CNTNAP2: variants seen among roughly 807,000 people sequenced by gnomAD.
CNTNAP2 encodes the protein contactin-associated protein-like 2.
A neutral mutation model predicts 155.2 loss-of-function variants in CNTNAP2; 98 were observed. The ratio of observed to expected loss-of-function variants is 0.63; its 90% CI spans 0.54 to 0.75. CNTNAP2 has a LOEUF of 0.75. CNTNAP2 is among the 30% of genes least tolerant of loss of function. The pLI, the probability that CNTNAP2 is intolerant of heterozygous loss-of-function variation, is 0.00. For synonymous variants in CNTNAP2, 651 were observed against 631.2 expected, an observed-to-expected ratio of 1.03 and a Z score of -0.47; for missense variants, 1,727 against 1,688.1, an observed-to-expected ratio of 1.02 and a Z score of -0.40.
rs76834225 is a variant in CNTNAP2, at chr7:148,368,594, G to T, written c.3476-15055G>T. 1.9e-4 allele frequency among the ~76,000 whole-genome samples: 29 copies of T among 152,284 alleles called. 1 individual carries two copies. Among genetic ancestry groups the T allele is most frequent in the South Asian group, 1.0e-3 (5 of 4,822 alleles). On this transcript the variant is annotated intron_variant, in intron 21 of 23. Transcript: ENST00000361727. ...CAAGGTGCTGCAGATGTAGCAGGAC[G>T]AATTGCAGACAAAACTCAGACACCA...
chr7:146,192,308 G>A (rs1798717730), intron 1 of CNTNAP2, among the ~76,000 whole-genome samples: 1 of 152,070 alleles, frequency 6.6e-6, no homozygotes, highest in South Asian at 2.1e-4. Flanking sequence ...CCCCAAAAAA[G>A]CATTCTAGTT....
At chr7:147,332,121 T>C (rs1795581038) in intron 9 of CNTNAP2, among the ~76,000 whole-genome samples, 1 of 152,176 alleles carries the variant, frequency 6.6e-6, no homozygotes, top group African/African-American at 2.4e-5. Flanking sequence ...GTAATAAAGC[T>C]GCTCAAATAC....
chr7:147,395,548 G>T, intron 9 of CNTNAP2, 61 bp from the exon 10 acceptor site: 1 of 1,560,042 alleles, frequency 6.4e-7, no homozygotes, highest in East Asian at 2.3e-5. Context: ...ATACCCACAA[G>T]AATTTTAGTG....
At chr7:146,872,805 T>A (rs558189168) in intron 3 of CNTNAP2, among the ~76,000 whole-genome samples, 1 of 152,344 alleles carries the variant, frequency 6.6e-6, no homozygotes, top group East Asian at 1.9e-4. Context: ...TTCAGAATAT[T>A]GTATTTTATA....
intron 16 of CNTNAP2, among the ~76,000 whole-genome samples, chr7:148,127,792 G>A (rs1169209715): frequency 6.6e-6 from 1 of 152,162 alleles, no homozygotes; most frequent in African/African-American, 2.4e-5. Flanking sequence ...CTGTTGGGGT[G>A]TTATTTAGGA....
At chr7:147,157,802 C>T (rs773579967) in intron 8 of CNTNAP2, among the ~76,000 whole-genome samples, 4 of 151,988 alleles carry the variant, frequency 2.6e-5, no homozygotes, top group Non-Finnish European at 4.4e-5. Flanking sequence ...GTTTCATATG[C>T]TTTTTAGTCC....
chr7:146,617,852 A>G (rs1273612486), intron 1 of CNTNAP2, among the ~76,000 whole-genome samples: 1 of 152,186 alleles, frequency 6.6e-6, no homozygotes, highest in African/African-American at 2.4e-5. Flanking sequence ...AAAAGCAGCA[A>G]ATATAAAATG....
Position 147,144,391 on chromosome 7 carries a change from T to C in CNTNAP2, c.1348+11882T>C, listed in dbSNP as rs10155871. On this transcript the variant is annotated intron_variant, in intron 8 of 23. Transcript: ENST00000361727. ...GTAAGACCATACAGCATACACATAC[T>C]ACACTTCCAGCACACTTTGTTCAGC... 8.5e-3 allele frequency among the ~76,000 whole-genome samples: 1,297 copies of C among 152,294 alleles called. 19 individuals carry two copies. Among genetic ancestry groups the C allele is most frequent in the African/African-American group, 0.029 (1,198 of 41,564 alleles).
chr7:146,611,284 T>C (rs1037678956), intron 1 of CNTNAP2, among the ~76,000 whole-genome samples: 2 of 152,062 alleles, frequency 1.3e-5, no homozygotes, highest in Non-Finnish European at 2.9e-5. Flanking sequence ...CGATACAGAG[T>C]CTCACTATGT....
chr7:146,584,555 C>G (rs1798658394), intron 1 of CNTNAP2, among the ~76,000 whole-genome samples: 1 of 152,172 alleles, frequency 6.6e-6, no homozygotes, highest in South Asian at 2.1e-4. Context: ...TTTGGGGTAC[C>G]CCTTTTATGT....
intron 13 of CNTNAP2, among the ~76,000 whole-genome samples, chr7:147,729,312 T>C (rs1326573961): frequency 1.3e-5 from 2 of 151,856 alleles, no homozygotes; most frequent in African/African-American, 4.8e-5. Context: ...GCACCTACTA[T>C]GTGTCCGGCC....
At chr7:147,205,057 A>G (rs1278002849) in intron 8 of CNTNAP2, among the ~76,000 whole-genome samples, 2 of 152,104 alleles carry the variant, frequency 1.3e-5, no homozygotes, top group Non-Finnish European at 2.9e-5. Flanking sequence ...GAAGTTCAAT[A>G]TGAATTCAGG....
chr7:146,582,643 A>G (rs1798628738), intron 1 of CNTNAP2, among the ~76,000 whole-genome samples: 1 of 152,140 alleles, frequency 6.6e-6, no homozygotes, highest in South Asian at 2.1e-4. Context: ...CAGAGTGAGT[A>G]ACAGCACAAA....
chr7:147,346,311 C>T (rs1303175383), intron 9 of CNTNAP2, among the ~76,000 whole-genome samples: 2 of 150,814 alleles, frequency 1.3e-5, no homozygotes, highest in Non-Finnish European at 3.0e-5. Context: ...CCCGCCACCG[C>T]GCCCGGCTAA....
At chr7:147,691,135 T>G (rs1273751335) in intron 13 of CNTNAP2, among the ~76,000 whole-genome samples, 1 of 152,106 alleles carries the variant, frequency 6.6e-6, no homozygotes, top group Non-Finnish European at 1.5e-5. Flanking sequence ...TTAATTCAAT[T>G]GGATTAATTT....
intron 1 of CNTNAP2, among the ~76,000 whole-genome samples, chr7:146,750,247 G>C: frequency 6.6e-6 from 1 of 152,058 alleles, no homozygotes; most frequent in Admixed American, 6.6e-5. Context: ...TCCTATTTGA[G>C]AGTTTGAGAA....
At chr7:146,832,955 C>T (rs1803542820) in intron 2 of CNTNAP2, among the ~76,000 whole-genome samples, 1 of 152,074 alleles carries the variant, frequency 6.6e-6, no homozygotes, top group Non-Finnish European at 1.5e-5. Flanking sequence ...CTCGGCCTCC[C>T]AAACTGCTGG....
chr7:146,173,399 T>C (rs950149118), intron 1 of CNTNAP2, among the ~76,000 whole-genome samples: 22 of 152,178 alleles, frequency 1.4e-4, no homozygotes, highest in African/African-American at 5.3e-4. Flanking sequence ...ACATTGACCA[T>C]TTAGAAAATA....
intron 22 of CNTNAP2, among the ~76,000 whole-genome samples, chr7:148,392,049 C>T (rs1475763582): frequency 6.6e-6 from 1 of 152,148 alleles, no homozygotes; most frequent in Non-Finnish European, 1.5e-5. Context: ...AAGGGATCCT[C>T]TAGTTGTAAA....
Sources: allele counts gnomAD v4.1 joint callset (sites outside exome capture counted in the v4.1 genomes callset), GRCh38; gene constraint gnomAD v4.1.1; transcripts MANE v1.5; gene names NCBI Gene and HGNC (gene_info 2026-07-23, HGNC 2026-07-21).